Variants in DOCK11 observed in about 807,000 individuals in gnomAD.
DOCK11 encodes dedicator of cytokinesis protein 11.
A neutral mutation model predicts 169.1 loss-of-function variants in DOCK11; 70 were observed. The ratio of observed to expected loss-of-function variants is 0.41; its 90% CI spans 0.34 to 0.51. The LOEUF (loss-of-function observed/expected upper bound fraction) is 0.51, where lower values mean the gene tolerates loss of function less well. Among genes scored for constraint, DOCK11 ranks in the 20% least tolerant of loss-of-function variants. The pLI, the probability that DOCK11 is intolerant of heterozygous loss-of-function variation, is 0.10. For missense variants in DOCK11, 1,166 were observed against 1,538.8 expected, an observed-to-expected ratio of 0.76 and a Z score of 4.05; for synonymous variants, 529 against 541.3, an observed-to-expected ratio of 0.98 and a Z score of 0.32.
In DOCK11 at chrX:118,574,926, G is replaced by A. The variant is rs772589863; in HGVS notation, c.1389+908G>A. 5.4e-5 allele frequency among the ~76,000 whole-genome samples: 6 copies of A among 111,923 alleles called. No individual in the cohort carries two copies. The East Asian group carries it at 1.1e-3, about 21-fold the overall frequency. On this transcript the variant is annotated intron_variant, in intron 12 of 52. Transcript: ENST00000276202. The stretch of plus-strand genomic sequence containing the variant: ...GACTAGAGGCCATAAGAAGTTAGCC[G>A]AGTGGATTGATCATTTGCTCGCTAG...
chrX:118,523,076 C>T (rs1412574887), intron 1 of DOCK11, among the ~76,000 whole-genome samples: 5 of 112,477 alleles, frequency 4.4e-5, no homozygotes, highest in African/African-American at 1.6e-4. Flanking sequence ...TAATGCATTT[C>T]GCATAGTACC....
At chrX:118,566,772 G>A in intron 9 of DOCK11, 119 bp downstream of exon 9, 1 of 620,717 alleles carries the variant, frequency 1.6e-6, no homozygotes. Context: ...ACAGCAAATT[G>A]GTGAAACAGG....
At chrX:118,572,258 T>C in intron 10 of DOCK11, 65 bp from the exon 11 acceptor site, 1 of 999,413 alleles carries the variant, frequency 1.0e-6, no homozygotes, top group African/African-American at 1.9e-5. Flanking sequence ...ATTTTTTGTA[T>C]ATTGATGTAA....
intron 1 of DOCK11, among the ~76,000 whole-genome samples, chrX:118,503,074 C>CT (rs767017269): frequency 0.17 from 15,072 of 90,609 alleles, 1,782 homozygotes; most frequent in African/African-American, 0.37. Context: ...ATAACAAAGG[C>CT]TTTTTTTTTT....
chrX:118,607,925 A>G (rs2014575059), intron 24 of DOCK11, 147 bp from the exon 25 acceptor site: 1 of 450,610 alleles, frequency 2.2e-6, no homozygotes, highest in Non-Finnish European at 3.8e-6. Context: ...TGCCTAAACT[A>G]TCACCATTAT....
At chrX:118,554,718 C>G (rs1291570823) in intron 6 of DOCK11, among the ~76,000 whole-genome samples, 3 of 111,445 alleles carry the variant, frequency 2.7e-5, no homozygotes, top group African/African-American at 9.8e-5. Flanking sequence ...GGAAGTGAAT[C>G]AGAAAGGAGA....
At chrX:118,645,104 A>T (rs1048720709) in intron 40 of DOCK11, among the ~76,000 whole-genome samples, 2 of 111,831 alleles carry the variant, frequency 1.8e-5, no homozygotes, top group African/African-American at 6.5e-5. Context: ...GGTTGATGTG[A>T]AATACAGGGG....
At chrX:118,680,945 A>G in intron 49 of DOCK11, 113 bp from the exon 50 acceptor site, 1 of 730,502 alleles carries the variant, frequency 1.4e-6, no homozygotes, top group Non-Finnish European at 2.0e-6. Context: ...ACCCTAAGTC[A>G]TCTTCTAGAT....
chrX:118,675,610 A>T (rs1047358949), intron 46 of DOCK11, among the ~76,000 whole-genome samples: 2 of 109,931 alleles, frequency 1.8e-5, no homozygotes, highest in Non-Finnish European at 3.8e-5. Context: ...AACTTAGAGG[A>T]TGGGCCAATA....
In DOCK11 at chrX:118,648,816, G is replaced by C. The variant is rs1488073476; in HGVS notation, c.4399-129G>C. The C allele has an allele frequency of 2.3e-5, 12 of 520,110 alleles. No homozygotes were observed. In the Admixed American group the frequency reaches 6.1e-4, roughly 26 times the overall value. The allele number at this position is 520,110 out of a possible 1,213,427, so 42.9% of individuals were successfully genotyped here. A position where few individuals can be genotyped will look rare whatever the true frequency, so the allele number is the denominator to read the frequency against. On this transcript the variant is annotated intron_variant, in intron 40 of 52. Transcript: ENST00000276202. ...TCAGGCTCTCTGGAGAGCAGAGCCT[G>C]CCTTATGTTGATTTTGTATCCTCAA...
chrX:118,683,800 A>G lies in DOCK11; in HGVS notation c.6102+583A>G, dbSNP rs7881623. Among the ~76,000 whole-genome samples the G allele has an allele frequency of 7.9e-3, 891 of 112,353 alleles. 11 individuals are homozygous for G. The highest frequency in any genetic ancestry group is 0.026 in the African/African-American group (802 of 30,995). On this transcript the variant is annotated intron_variant, in intron 52 of 52. Coordinates refer to ENST00000276202, the MANE Select transcript of DOCK11 (RefSeq NM_144658.4). The stretch of plus-strand genomic sequence containing the variant: ...TTCCTTTTGAAGCATGGATTTTTCA[A>G]ATCTACTGTCGTATTTCCCACTTGT...
chrX:118,598,682 T>G (rs2014244883), intron 22 of DOCK11, among the ~76,000 whole-genome samples: 1 of 112,062 alleles, frequency 8.9e-6, no homozygotes, highest in African/African-American at 3.2e-5. Flanking sequence ...GGGTTCCACA[T>G]AGGACAGTTG....
intron 13 of DOCK11, 113 bp from the exon 14 acceptor site, chrX:118,579,984 A>T (rs191202342): frequency 1.8e-6 from 1 of 561,560 alleles, no homozygotes; most frequent in Middle Eastern, 4.2e-4. Context: ...ATTTCTATAT[A>T]TTTTTTTGAG....
intron 6 of DOCK11, among the ~76,000 whole-genome samples, chrX:118,553,080 C>T (rs1167780213): frequency 1.8e-5 from 2 of 111,430 alleles, no homozygotes; most frequent in African/African-American, 6.5e-5. Flanking sequence ...CTCTTCAATT[C>T]CTGGAAAAGT....
chrX:118,642,722 A>G (rs188378731), intron 39 of DOCK11, among the ~76,000 whole-genome samples: 131 of 111,531 alleles, frequency 1.2e-3, no homozygotes, highest in Non-Finnish European at 2.0e-3. Flanking sequence ...CCATTCAGGG[A>G]TTCTGGCTGT....
At chrX:118,621,020 T>A (rs758035134) in intron 31 of DOCK11, among the ~76,000 whole-genome samples, 61 of 112,896 alleles carry the variant, frequency 5.4e-4, no homozygotes, top group African/African-American at 1.9e-3. Flanking sequence ...ACTTACTTTT[T>A]AAATTCTTAG....
intron 1 of DOCK11, among the ~76,000 whole-genome samples, chrX:118,521,908 TAGA>T (rs2011275798): frequency 8.9e-6 from 1 of 112,267 alleles, no homozygotes; most frequent in South Asian, 3.6e-4. Context: ...AAAACTGCAC[TAGA>T]AGAAGAAAAT....
chrX:118,654,281 C>G (rs2016013737), intron 42 of DOCK11, among the ~76,000 whole-genome samples: 1 of 111,885 alleles, frequency 8.9e-6, no homozygotes, highest in African/African-American at 3.2e-5. Context: ...GTTACTGTTA[C>G]AAGAAAACGG....
chrX:118,506,452 G>C (rs768745718), intron 1 of DOCK11, among the ~76,000 whole-genome samples: 1 of 111,114 alleles, frequency 9.0e-6, no homozygotes, highest in African/African-American at 3.3e-5. Context: ...GATCACTTGA[G>C]GTCAGGAGTT....
Sources: allele counts gnomAD v4.1 joint callset (sites outside exome capture counted in the v4.1 genomes callset), GRCh38; gene constraint gnomAD v4.1.1; transcripts MANE v1.5; gene names NCBI Gene and HGNC (gene_info 2026-07-23, HGNC 2026-07-21).